MGMT: variants seen among roughly 807,000 people sequenced by gnomAD.
MGMT encodes O-6-methylguanine-DNA methyltransferase.
A neutral mutation model predicts 15.9 loss-of-function variants in MGMT; 14 were observed. The ratio of observed to expected loss-of-function variants is 0.88; its 90% CI spans 0.58 to 1.37. The LOEUF (loss-of-function observed/expected upper bound fraction) is 1.37. MGMT is among the 40% of genes most tolerant of loss of function. The pLI is 0.00. For missense variants in MGMT, 282 were observed against 268.1 expected (o/e 1.05, Z -0.36); for synonymous variants, 130 against 118.2 (o/e 1.10, Z -0.65).
chr10:129,540,011 T>C (rs906114977), intron 2 of MGMT, among the ~76,000 whole-genome samples: 6 of 152,228 alleles, frequency 3.9e-5, no homozygotes, highest in Non-Finnish European at 5.9e-5. Context: ...ATCTTGATAC[T>C]GAAGTGTTCA....
At chr10:129,490,242 G>A (rs1234763448) in intron 1 of MGMT, among the ~76,000 whole-genome samples, 1 of 151,960 alleles carries the variant, frequency 6.6e-6, no homozygotes. Flanking sequence ...TTATGAACAG[G>A]CTTCAAATTT....
At chr10:129,704,322 A>G (rs903474761) in intron 2 of MGMT, among the ~76,000 whole-genome samples, 1 of 152,126 alleles carries the variant, frequency 6.6e-6, no homozygotes, top group Admixed American at 6.5e-5. Context: ...CGGCAGGCCC[A>G]TTCTCTGCCT....
intron 2 of MGMT, among the ~76,000 whole-genome samples, chr10:129,545,625 G>A (rs113684433): frequency 0.048 from 7,280 of 152,200 alleles, 258 homozygotes; most frequent in African/African-American, 0.082. Flanking sequence ...ATTGCATCTC[G>A]GGCCAGCCTC....
intron 1 of MGMT, among the ~76,000 whole-genome samples, chr10:129,512,117 C>T (rs1417497940): frequency 6.6e-6 from 1 of 152,204 alleles, no homozygotes; most frequent in Non-Finnish European, 1.5e-5. Context: ...CAGAAAGAAA[C>T]AGGCCCTGAT....
chr10:129,575,044 CAG>C (rs1846463871), intron 2 of MGMT, among the ~76,000 whole-genome samples: 1 of 152,078 alleles, frequency 6.6e-6, no homozygotes, highest in Admixed American at 6.6e-5. Context: ...AGAGTTCTAA[CAG>C]AAGTGAATAG....
At chr10:129,469,692 G>T (rs951161407) in intron 1 of MGMT, among the ~76,000 whole-genome samples, 3 of 152,128 alleles carry the variant, frequency 2.0e-5, no homozygotes, top group African/African-American at 7.2e-5. Context: ...AAGAGCTGGG[G>T]TCTTACCGCA....
At chr10:129,722,008 T>A (rs147594955) in intron 3 of MGMT, among the ~76,000 whole-genome samples, 1 of 152,036 alleles carries the variant, frequency 6.6e-6, no homozygotes, top group African/African-American at 2.4e-5. Context: ...GAGCCTGTTA[T>A]ATATTTTCTA....
intron 2 of MGMT, among the ~76,000 whole-genome samples, chr10:129,665,128 T>TCCACTCCCTCAGTCACCCAC: frequency 7.7e-6 from 1 of 129,060 alleles, no homozygotes; most frequent in South Asian, 2.9e-4. Context: ...CACCCACCCA[T>TCCACTCCCTCAGTCACCCAC]CCACTCCTTC....
intron 3 of MGMT, among the ~76,000 whole-genome samples, chr10:129,752,205 T>C (rs958070498): frequency 6.6e-6 from 1 of 152,038 alleles, no homozygotes; most frequent in Admixed American, 6.5e-5. Context: ...ATTGATGATT[T>C]CTTTTTGTGA....
intron 2 of MGMT, among the ~76,000 whole-genome samples, chr10:129,650,367 G>A (rs760690942): frequency 1.3e-5 from 2 of 152,150 alleles, no homozygotes; most frequent in South Asian, 2.1e-4. Flanking sequence ...TAGAGGACGC[G>A]AGCACATGTG....
rs537072908 is a variant in MGMT, at chr10:129,739,938, A to T, written c.275-19264A>T. ...GTCAGAGGCCCTACATCCTGTCCCCACAGTGGACAGGTTGGAAATGTAAGG... is the reference window on the plus strand; with the variant it reads ...GTCAGAGGCCCTACATCCTGTCCCCTCAGTGGACAGGTTGGAAATGTAAGG... On this transcript the variant is annotated intron_variant, in intron 3 of 4. Transcript: ENST00000651593. 5.3e-5 allele frequency among the ~76,000 whole-genome samples: 8 copies of T among 152,300 alleles called. No individual in the cohort carries two copies. The South Asian group carries it at 1.7e-3, about 32-fold the overall frequency.
intron 2 of MGMT, among the ~76,000 whole-genome samples, chr10:129,557,242 G>A (rs1377811370): frequency 2.0e-5 from 3 of 152,110 alleles, no homozygotes; most frequent in East Asian, 1.9e-4. Context: ...AAATGTACTC[G>A]CCCTGTATCT....
intron 3 of MGMT, among the ~76,000 whole-genome samples, chr10:129,708,288 C>T (rs894776144): frequency 1.3e-5 from 2 of 152,166 alleles, no homozygotes; most frequent in Non-Finnish European, 2.9e-5. Context: ...GCATGCAGAT[C>T]GACTCTTGAC....
chr10:129,755,723 G>A (rs991753311), intron 3 of MGMT, among the ~76,000 whole-genome samples: 1 of 152,252 alleles, frequency 6.6e-6, no homozygotes, highest in Non-Finnish European at 1.5e-5. Context: ...CAGCTGCCTG[G>A]CCAGCTCTGC....
At chr10:129,536,211 C>T in intron 1 of MGMT, 30 bp from the exon 2 acceptor site, 2 of 1,612,730 alleles carry the variant, frequency 1.2e-6, no homozygotes, top group Non-Finnish European at 8.5e-7. Flanking sequence ...CTTACCTATA[C>T]ACTTTGTCTT....
intron 2 of MGMT, among the ~76,000 whole-genome samples, chr10:129,612,755 C>T (rs999770948): frequency 6.6e-6 from 1 of 152,162 alleles, no homozygotes; most frequent in Non-Finnish European, 1.5e-5. Flanking sequence ...CAGAGAAAAA[C>T]GAAACATGTC....
chr10:129,488,004 T>TACACACACACACACACACACACACACAC (rs373298935), intron 1 of MGMT, among the ~76,000 whole-genome samples: 2 of 121,428 alleles, frequency 1.6e-5, no homozygotes, highest in Non-Finnish European at 3.3e-5. Context: ...CACATAGGTA[T>TACACACACACACACACACACACACACAC]ACACACACAC....
At chr10:129,541,840 G>T (rs986383994) in intron 2 of MGMT, among the ~76,000 whole-genome samples, 2 of 152,160 alleles carry the variant, frequency 1.3e-5, no homozygotes, top group African/African-American at 4.8e-5. Flanking sequence ...TCATGGTAGG[G>T]ATCCATTTAC....
intron 2 of MGMT, among the ~76,000 whole-genome samples, chr10:129,575,565 G>C (rs1388157184): frequency 6.7e-6 from 1 of 148,758 alleles, no homozygotes; most frequent in Non-Finnish European, 1.5e-5. Context: ...AGCACTAAAT[G>C]CCCACAAGAG....
Sources: gnomAD v4.1 joint callset for allele counts (sites outside exome capture counted in the v4.1 genomes callset) on GRCh38, gnomAD v4.1.1 for gene constraint, MANE v1.5 for transcripts, NCBI Gene and HGNC (gene_info 2026-07-23, HGNC 2026-07-21) for gene names.